Variants in MACROD2 observed in about 807,000 individuals in gnomAD.
The protein encoded by MACROD2 is ADP-ribose glycohydrolase MACROD2.
In MACROD2, 36 loss-of-function variants were observed where a neutral mutation model predicts 70.4. The ratio of observed to expected loss-of-function variants is 0.51; its 90% CI spans 0.39 to 0.68. The LOEUF is 0.68. Among genes scored for constraint, MACROD2 ranks in the 30% least tolerant of loss-of-function variants. MACROD2 has a pLI of 0.00. For missense variants in MACROD2, 496 were observed against 538.4 expected, an observed-to-expected ratio of 0.92 and a Z score of 0.78; for synonymous variants, 172 against 178.8, an observed-to-expected ratio of 0.96 and a Z score of 0.30.
intron 8 of MACROD2, among the ~76,000 whole-genome samples, chr20:15,750,696 C>A (rs536692163): frequency 6.6e-6 from 1 of 151,936 alleles, no homozygotes; most frequent in South Asian, 2.1e-4. Flanking sequence ...TCACAACAGC[C>A]AAGATATAGA....
intron 4 of MACROD2, among the ~76,000 whole-genome samples, chr20:14,670,531 C>T (rs879133044): frequency 6.6e-6 from 1 of 152,196 alleles, no homozygotes; most frequent in Admixed American, 6.5e-5. Flanking sequence ...CAGAATTTCC[C>T]AGTAATTTAA....
At chr20:15,697,633 T>C (rs2050394923) in intron 8 of MACROD2, among the ~76,000 whole-genome samples, 1 of 152,218 alleles carries the variant, frequency 6.6e-6, no homozygotes, top group Admixed American at 6.5e-5. Flanking sequence ...TGATGATCTG[T>C]CTAGTGCTGT....
chr20:15,713,536 G>GGA (rs34377128), intron 8 of MACROD2, among the ~76,000 whole-genome samples: 74,646 of 150,292 alleles, frequency 0.5, 19,388 homozygotes, highest in Middle Eastern at 0.7. Flanking sequence ...CTCGATGGCA[G>GGA]GAGAGAGAGA....
At chr20:15,271,787 G>C in intron 6 of MACROD2, among the ~76,000 whole-genome samples, 1 of 152,192 alleles carries the variant, frequency 6.6e-6, no homozygotes, top group Admixed American at 6.5e-5. Context: ...CCTAAGACCA[G>C]TGATAGTCCA....
chr20:15,053,416 C>A (rs1568551081), intron 5 of MACROD2, among the ~76,000 whole-genome samples: 1 of 152,172 alleles, frequency 6.6e-6, no homozygotes, highest in East Asian at 1.9e-4. Flanking sequence ...GCTCATTGGC[C>A]ATTTTGGAAT....
At chr20:15,405,103 G>A (rs1387512995) in intron 6 of MACROD2, among the ~76,000 whole-genome samples, 1 of 152,152 alleles carries the variant, frequency 6.6e-6, no homozygotes, top group Admixed American at 6.5e-5. Flanking sequence ...CACAGAATGT[G>A]TATTAGTGGT....
intron 8 of MACROD2, among the ~76,000 whole-genome samples, chr20:15,820,764 T>C (rs901977601): frequency 2.6e-5 from 4 of 152,250 alleles, no homozygotes; most frequent in Middle Eastern, 3.2e-3. Flanking sequence ...TCCCATTGTC[T>C]TTTCATTGTC....
rs555684749 is a variant in MACROD2, at chr20:14,553,004, ATAAAT to A, written c.301+59500_301+59504del. Among the ~76,000 whole-genome samples the A allele has an allele frequency of 7.9e-5, 12 of 152,168 alleles. No individual in the cohort carries two copies. In the South Asian group the frequency reaches 2.5e-3, roughly 32 times the overall value. On this transcript the variant is annotated intron_variant, in intron 4 of 17. Transcript: ENST00000684519. ...AAAAATATTTTTTCTTTCCCCAATA[ATAAAT>A]TAACTATAGCTTATTGTAACTTTTT...
chr20:14,006,359 A>AT (rs1397456658), intron 2 of MACROD2, among the ~76,000 whole-genome samples: 8 of 152,202 alleles, frequency 5.3e-5, no homozygotes, highest in Admixed American at 5.2e-4. Flanking sequence ...TTTCATCTAT[A>AT]CCAGTGCTCC....
chr20:14,778,541 A>T (rs1388241969), intron 5 of MACROD2, among the ~76,000 whole-genome samples: 1 of 152,108 alleles, frequency 6.6e-6, no homozygotes, highest in Non-Finnish European at 1.5e-5. Flanking sequence ...TCCAAAATGA[A>T]TTCAGAAGGC....
chr20:14,121,244 G>A (rs1170898508), intron 3 of MACROD2, among the ~76,000 whole-genome samples: 1 of 152,106 alleles, frequency 6.6e-6, no homozygotes, highest in African/African-American at 2.4e-5. Context: ...AGTTTGAAAG[G>A]AACTGAAGGA....
chr20:14,059,077 A>G (rs886706071), intron 2 of MACROD2, among the ~76,000 whole-genome samples: 4 of 152,140 alleles, frequency 2.6e-5, no homozygotes, highest in Non-Finnish European at 4.4e-5. Context: ...AACTATTTCT[A>G]TGTTTTTCAA....
chr20:14,700,959 T>C (rs1175025704), intron 5 of MACROD2, among the ~76,000 whole-genome samples: 1 of 152,074 alleles, frequency 6.6e-6, no homozygotes, highest in Non-Finnish European at 1.5e-5. Flanking sequence ...ATGGGTTCTG[T>C]AGCATGCCAA....
At chr20:15,185,411 C>A (rs1186211828) in intron 5 of MACROD2, among the ~76,000 whole-genome samples, 1 of 152,094 alleles carries the variant, frequency 6.6e-6, no homozygotes, top group Non-Finnish European at 1.5e-5. Flanking sequence ...CAACATTTAG[C>A]CCTAAATTAC....
At chr20:15,609,770 G>A (rs889614697) in intron 8 of MACROD2, among the ~76,000 whole-genome samples, 1 of 152,152 alleles carries the variant, frequency 6.6e-6, no homozygotes, top group East Asian at 1.9e-4. Flanking sequence ...TTTATTAAAG[G>A]ATCAGCAGGG....
intron 8 of MACROD2, among the ~76,000 whole-genome samples, chr20:15,776,353 CA>C (rs1278288207): frequency 4.6e-5 from 7 of 152,274 alleles, no homozygotes; most frequent in African/African-American, 1.4e-4. Flanking sequence ...TGTCCTCTCC[CA>C]AAATATTCTC....
At chr20:15,881,159 T>C (rs1309680949) in intron 9 of MACROD2, among the ~76,000 whole-genome samples, 1 of 152,090 alleles carries the variant, frequency 6.6e-6, no homozygotes, top group Non-Finnish European at 1.5e-5. Context: ...CAAAAATAGT[T>C]ATAAAAATGA....
At chr20:15,492,702 G>A (rs555407657) in intron 7 of MACROD2, among the ~76,000 whole-genome samples, 4 of 152,262 alleles carry the variant, frequency 2.6e-5, no homozygotes, top group South Asian at 4.2e-4. Context: ...AAAGTCTCAC[G>A]TTTGATAACT....
intron 3 of MACROD2, among the ~76,000 whole-genome samples, chr20:14,387,430 G>T (rs897138524): frequency 1.3e-5 from 2 of 151,716 alleles, no homozygotes; most frequent in Non-Finnish European, 2.9e-5. Context: ...CATTATTTTT[G>T]CAGTCAGCCA....
Sources: allele counts gnomAD v4.1 joint callset (sites outside exome capture counted in the v4.1 genomes callset), GRCh38; gene constraint gnomAD v4.1.1; transcripts MANE v1.5; gene names NCBI Gene and HGNC (gene_info 2026-07-23, HGNC 2026-07-21).